The following SGCZ variants were observed in gnomAD, a reference collection of about 807,000 sequenced individuals.
The protein encoded by SGCZ is sarcoglycan zeta, also known as zeta-sarcoglycan.
SGCZ carries 40 observed loss-of-function variants against 41.3 expected under a neutral mutation model. That is an observed-to-expected ratio of 0.97 (90% CI 0.75 to 1.26). The LOEUF (loss-of-function observed/expected upper bound fraction) is 1.26, where lower values mean the gene tolerates loss of function less well. Ranked by LOEUF, SGCZ falls within the 50% of genes most tolerant of loss-of-function variation. SGCZ has a pLI of 0.00. For missense variants in SGCZ, 552 were observed against 369.8 expected (o/e 1.49, Z -4.04); for synonymous variants, 206 against 137.5 (o/e 1.50, Z -3.49).
chr8:14,821,703 A>G (rs533182753), intron 1 of SGCZ, among the ~76,000 whole-genome samples: 30 of 152,236 alleles, frequency 2.0e-4, no homozygotes, highest in Admixed American at 5.9e-4. Context: ...AATTGAAACA[A>G]AGACAAACAT....
chr8:15,088,873 G>C (rs941050242), intron 1 of SGCZ, among the ~76,000 whole-genome samples: 3 of 152,056 alleles, frequency 2.0e-5, no homozygotes, highest in Non-Finnish European at 2.9e-5. Flanking sequence ...ATAATGGTTT[G>C]TTTTAGCTTT....
At chr8:14,750,721 C>T (rs28735053) in intron 1 of SGCZ, among the ~76,000 whole-genome samples, 3,778 of 152,154 alleles carry the variant, frequency 0.025, 160 homozygotes, top group African/African-American at 0.086. Context: ...GCACTGTGAA[C>T]GATGACATGT....
chr8:15,087,334 T>G (rs1037164844), intron 1 of SGCZ, among the ~76,000 whole-genome samples: 2 of 152,122 alleles, frequency 1.3e-5, no homozygotes, highest in African/African-American at 4.8e-5. Flanking sequence ...TAGTATTTCC[T>G]GTGTACATCT....
At chr8:14,757,808 A>T (rs1244312795) in intron 1 of SGCZ, among the ~76,000 whole-genome samples, 1 of 152,202 alleles carries the variant, frequency 6.6e-6, no homozygotes, top group Non-Finnish European at 1.5e-5. Context: ...TTTTACGTAA[A>T]TATTTGCCCA....
chr8:15,028,269 T>C (rs1194654299), intron 1 of SGCZ, among the ~76,000 whole-genome samples: 1 of 152,148 alleles, frequency 6.6e-6, no homozygotes, highest in Non-Finnish European at 1.5e-5. Flanking sequence ...GTAGCTTTCG[T>C]GAAGGCTAAA....
At chr8:15,228,838 AC>A (rs1382123916) in intron 1 of SGCZ, among the ~76,000 whole-genome samples, 1 of 152,228 alleles carries the variant, frequency 6.6e-6, no homozygotes, top group Non-Finnish European at 1.5e-5. Flanking sequence ...AGTCATGCAA[AC>A]AAAAACTGGA....
At chr8:15,093,786 G>C (rs1806236244) in intron 1 of SGCZ, among the ~76,000 whole-genome samples, 2 of 152,146 alleles carry the variant, frequency 1.3e-5, no homozygotes, top group East Asian at 3.9e-4. Context: ...ATTGACACAA[G>C]AAGTTCCAGC....
intron 3 of SGCZ, among the ~76,000 whole-genome samples, chr8:14,251,471 A>G (rs1048931958): frequency 3.3e-5 from 5 of 152,152 alleles, no homozygotes; most frequent in African/African-American, 1.2e-4. Flanking sequence ...GGAGCCACAA[A>G]CAAGAACTGA....
At chr8:14,309,273 T>G in intron 3 of SGCZ, 1 of 1,552,872 alleles carries the variant, frequency 6.4e-7, no homozygotes. Flanking sequence ...TCTAGTAATT[T>G]AATGCCTGGC....
intron 3 of SGCZ, among the ~76,000 whole-genome samples, chr8:14,290,897 T>C (rs748273552): frequency 7.2e-5 from 11 of 152,170 alleles, no homozygotes; most frequent in Non-Finnish European, 1.3e-4. Context: ...CTCCTACTTA[T>C]ATAGTAACAG....
chr8:14,403,493 G>C (rs1013528727), intron 2 of SGCZ, among the ~76,000 whole-genome samples: 2 of 151,876 alleles, frequency 1.3e-5, no homozygotes, highest in South Asian at 2.1e-4. Context: ...AGAGTTTTTA[G>C]CATGAAGGTT....
chr8:14,724,584 A>G (rs1809992722), intron 1 of SGCZ, among the ~76,000 whole-genome samples: 1 of 151,804 alleles, frequency 6.6e-6, no homozygotes, highest in African/African-American at 2.4e-5. Context: ...ATTCATTTGT[A>G]TTATTCAGTT....
intron 1 of SGCZ, among the ~76,000 whole-genome samples, chr8:14,798,568 C>G (rs1020819269): frequency 6.6e-6 from 1 of 152,132 alleles, no homozygotes; most frequent in Non-Finnish European, 1.5e-5. Flanking sequence ...GTGCCAAACA[C>G]TTTGGAAATG....
intron 4 of SGCZ, among the ~76,000 whole-genome samples, chr8:14,194,354 G>T (rs1034391101): frequency 6.6e-6 from 1 of 151,826 alleles, no homozygotes; most frequent in African/African-American, 2.4e-5. Context: ...ACCCCAGCTA[G>T]TGAAGAGATA....
At chr8:14,525,361 G>C (rs1187941544) in intron 2 of SGCZ, among the ~76,000 whole-genome samples, 1 of 152,142 alleles carries the variant, frequency 6.6e-6, no homozygotes, top group African/African-American at 2.4e-5. Context: ...GTTTTGTTCT[G>C]TCTTCTAAGG....
chr8:15,218,472 G>C (rs1211288364), intron 1 of SGCZ, among the ~76,000 whole-genome samples: 1 of 152,226 alleles, frequency 6.6e-6, no homozygotes, highest in Non-Finnish European at 1.5e-5. Flanking sequence ...CCTTTAGGCA[G>C]TTAAGAACCT....
At position 15,098,078 on chromosome 8, in the gene SGCZ, G is replaced by C. The variant is rs184553348; in HGVS notation, c.39+139507C>G. On this transcript the variant is annotated intron_variant, in intron 1 of 7. Coordinates refer to ENST00000382080, the MANE Select transcript of SGCZ (RefSeq NM_139167.4). Reference sequence around the variant, plus strand: ...CTCACGACTTGGAAACCTGTCTATAGCCTTGAATATGAAGTACTGATTCTT... The same window carrying C: ...CTCACGACTTGGAAACCTGTCTATACCCTTGAATATGAAGTACTGATTCTT... 2.3e-3 allele frequency among the ~76,000 whole-genome samples: 345 copies of C among 151,644 alleles called. 3 individuals carry two copies. The highest frequency in any genetic ancestry group is 3.8e-3 in the Non-Finnish European group (260 of 67,920).
chr8:15,185,104 AATC>A (rs1800295457), intron 1 of SGCZ, among the ~76,000 whole-genome samples: 1 of 152,190 alleles, frequency 6.6e-6, no homozygotes, highest in Non-Finnish European at 1.5e-5. Flanking sequence ...GTATCTGTAT[AATC>A]ATCAGGGCAA....
At chr8:14,271,973 T>C (rs78547413) in intron 3 of SGCZ, among the ~76,000 whole-genome samples, 2,855 of 152,262 alleles carry the variant, frequency 0.019, 34 homozygotes, top group Middle Eastern at 0.044. Flanking sequence ...AATTTTCATA[T>C]ATTGCATGCT....
Sources: gnomAD v4.1 joint callset for allele counts (sites outside exome capture counted in the v4.1 genomes callset) on GRCh38, gnomAD v4.1.1 for gene constraint, MANE v1.5 for transcripts, NCBI Gene and HGNC (gene_info 2026-07-23, HGNC 2026-07-21) for gene names.